The following SLC25A26 variants were observed in gnomAD, a reference collection of about 807,000 sequenced individuals.
SLC25A26 encodes the protein solute carrier family 25 member 26, also known as mitochondrial S-adenosylmethionine carrier protein.
Under a neutral mutation model 37.8 loss-of-function variants are expected in SLC25A26, and 36 were observed. The ratio of observed to expected loss-of-function variants is 0.95; its 90% CI spans 0.73 to 1.26. The LOEUF (loss-of-function observed/expected upper bound fraction) is 1.26, where lower values mean the gene tolerates loss of function less well. SLC25A26 is among the 50% of genes most tolerant of loss of function. The probability of loss-of-function intolerance (pLI) is 0.00; values close to 1 mark genes in which losing one functional copy is unlikely to be tolerated. For missense variants in SLC25A26, 390 were observed against 331.1 expected (o/e 1.18, Z -1.38); for synonymous variants, 129 against 122.5 (o/e 1.05, Z -0.35).
At position 66,347,215 on chromosome 3, in the gene SLC25A26, A is replaced by G. The variant is rs141336131; in HGVS notation, c.498+807A>G. Among the ~76,000 whole-genome samples, 5 of 152,330 alleles carry G rather than the reference A, an allele frequency of 3.3e-5. No homozygotes were observed. The East Asian group carries it at 9.6e-4, about 29-fold the overall frequency. ...TACAGAACGGGAGGAAATTTTTGCA[A>G]CCTATTCATCTGACAAAGGTCTAAT... On this transcript the variant is annotated intron_variant, in intron 6 of 9. Coordinates refer to ENST00000354883, the MANE Select transcript of SLC25A26 (RefSeq NM_001379210.1).
intron 5 of SLC25A26, among the ~76,000 whole-genome samples, chr3:66,297,594 T>G (rs1391249938): frequency 6.6e-6 from 1 of 152,238 alleles, no homozygotes; most frequent in Non-Finnish European, 1.5e-5. Context: ...GGGTATTGAT[T>G]TCCTTTTTTA....
chr3:66,261,243 A>G (rs2073517610), intron 3 of SLC25A26, among the ~76,000 whole-genome samples: 1 of 152,252 alleles, frequency 6.6e-6, no homozygotes, highest in South Asian at 2.1e-4. Flanking sequence ...TTTCATTAAA[A>G]TGTTTAAAAT....
rs1296770613 is a variant in SLC25A26 at position 66,248,650 on chromosome 3, C to A, written c.300+5338C>A. Among the ~76,000 whole-genome samples the A allele has an allele frequency of 1.3e-5, 2 of 152,300 alleles. 1 individual carries two copies. Among genetic ancestry groups the A allele is most frequent in the African/African-American group, 4.8e-5 (2 of 41,558 alleles). Reference sequence around the variant, plus strand: ...GAATGTAATGTATGTTCATAGGTGACATGTACATGTCCTCATACACTTAGA... The same window carrying A: ...GAATGTAATGTATGTTCATAGGTGAAATGTACATGTCCTCATACACTTAGA... On this transcript the variant is annotated intron_variant, in intron 3 of 9. Coordinates refer to ENST00000354883, the MANE Select transcript of SLC25A26 (RefSeq NM_001379210.1).
intron 1 of SLC25A26, among the ~76,000 whole-genome samples, chr3:66,200,404 C>T (rs1423222020): frequency 2.0e-5 from 3 of 152,316 alleles, no homozygotes; most frequent in African/African-American, 2.4e-5. Flanking sequence ...ATACAGACCA[C>T]AAGGATGTGG....
chr3:66,280,941 C>G (rs1479028989), intron 5 of SLC25A26, among the ~76,000 whole-genome samples: 1 of 152,124 alleles, frequency 6.6e-6, no homozygotes, highest in Non-Finnish European at 1.5e-5. Flanking sequence ...TATTCACTAA[C>G]TAATATTATC....
intron 3 of SLC25A26, among the ~76,000 whole-genome samples, chr3:66,245,965 C>T (rs2072818473): frequency 6.6e-6 from 1 of 152,194 alleles, no homozygotes; most frequent in African/African-American, 2.4e-5. Flanking sequence ...TCACAATCCC[C>T]ATTTCACCCC....
chr3:66,316,413 T>C (rs1254485835), intron 5 of SLC25A26, among the ~76,000 whole-genome samples: 2 of 152,228 alleles, frequency 1.3e-5, no homozygotes, highest in Admixed American at 1.3e-4. Context: ...GGTTGGAAAT[T>C]CTTTTGTTTA....
At chr3:66,368,272 ATGCC>A (rs577631054) in intron 7 of SLC25A26, among the ~76,000 whole-genome samples, 1 of 152,186 alleles carries the variant, frequency 6.6e-6, no homozygotes, top group Non-Finnish European at 1.5e-5. Context: ...AATCTTTGTA[ATGCC>A]TTTTAGGATT....
intron 1 of SLC25A26, among the ~76,000 whole-genome samples, chr3:66,160,554 T>G (rs2070343566): frequency 6.6e-6 from 1 of 152,210 alleles, no homozygotes; most frequent in South Asian, 2.1e-4. Flanking sequence ...CCTACAATAT[T>G]GCAAAATGAA....
intron 1 of SLC25A26, among the ~76,000 whole-genome samples, chr3:66,199,764 C>A (rs1037991832): frequency 3.6e-4 from 55 of 151,696 alleles, no homozygotes; most frequent in African/African-American, 1.1e-3. Flanking sequence ...CCTGTCATGA[C>A]CCTTTCCCTG....
intron 5 of SLC25A26, among the ~76,000 whole-genome samples, chr3:66,271,747 C>G (rs759661553): frequency 4.6e-5 from 7 of 152,086 alleles, no homozygotes; most frequent in Non-Finnish European, 1.0e-4. Flanking sequence ...GAAAGAAGAC[C>G]ATTTCATACA....
At chr3:66,211,355 G>A (rs2071281685) in intron 1 of SLC25A26, among the ~76,000 whole-genome samples, 2 of 152,062 alleles carry the variant, frequency 1.3e-5, no homozygotes, top group South Asian at 2.1e-4. Context: ...GAAGCTCTTT[G>A]GAAGGTTTGC....
At chr3:66,357,771 A>G (rs2076609902) in intron 6 of SLC25A26, among the ~76,000 whole-genome samples, 1 of 152,150 alleles carries the variant, frequency 6.6e-6, no homozygotes, top group African/African-American at 2.4e-5. Flanking sequence ...TTAACTTCAA[A>G]ATATTTAATA....
At chr3:66,264,008 G>A (rs947967380) in intron 5 of SLC25A26, among the ~76,000 whole-genome samples, 11 of 152,084 alleles carry the variant, frequency 7.2e-5, no homozygotes, top group African/African-American at 2.7e-4. Flanking sequence ...GGTCAGGCGT[G>A]GTAGCTCACG....
chr3:66,267,080 A>G (rs550278182), intron 5 of SLC25A26, among the ~76,000 whole-genome samples: 1 of 152,260 alleles, frequency 6.6e-6, no homozygotes, highest in East Asian at 1.9e-4. Flanking sequence ...TGAAGCATTC[A>G]CTTTCTGGCG....
At chr3:66,282,862 A>G (rs751241472) in intron 5 of SLC25A26, among the ~76,000 whole-genome samples, 13 of 152,220 alleles carry the variant, frequency 8.5e-5, no homozygotes, top group Admixed American at 2.6e-4. Flanking sequence ...CCTGCTTCCT[A>G]CTGCTGGCAA....
chr3:66,167,844 A>C (rs752595421), intron 1 of SLC25A26, among the ~76,000 whole-genome samples: 21 of 152,280 alleles, frequency 1.4e-4, no homozygotes, highest in Middle Eastern at 3.4e-3. Context: ...TGTTATTTCA[A>C]TATGGGTTAA....
chr3:66,335,495 T>C (rs372088247), intron 5 of SLC25A26, among the ~76,000 whole-genome samples: 44 of 152,328 alleles, frequency 2.9e-4, no homozygotes, highest in African/African-American at 8.9e-4. Flanking sequence ...CTAACAAATA[T>C]TGTAAATCAG....
chr3:66,237,611 CAT>C (rs1385362668), intron 2 of SLC25A26, among the ~76,000 whole-genome samples: 1 of 152,226 alleles, frequency 6.6e-6, no homozygotes, highest in Non-Finnish European at 1.5e-5. Context: ...GTTCTGAAGT[CAT>C]GTGACTTATG....
Sources: allele counts gnomAD v4.1 joint callset (sites outside exome capture counted in the v4.1 genomes callset), GRCh38; gene constraint gnomAD v4.1.1; transcripts MANE v1.5; gene names NCBI Gene and HGNC (gene_info 2026-07-23, HGNC 2026-07-21).